CACNA2D3: variants seen among roughly 807,000 people sequenced by gnomAD.
CACNA2D3 encodes calcium voltage-gated channel auxiliary subunit alpha2delta 3.
A neutral mutation model predicts 160.6 loss-of-function variants in CACNA2D3; 60 were observed. The observed-to-expected ratio is 0.37, with a 90% confidence interval of 0.30 to 0.46. CACNA2D3 has a LOEUF of 0.46. CACNA2D3 is among the 20% of genes least tolerant of loss of function. CACNA2D3 has a pLI of 1.00. For synonymous variants in CACNA2D3, 558 were observed against 492.9 expected (o/e 1.13, Z -1.75); for missense variants, 1,205 against 1,365.0 (o/e 0.88, Z 1.85).
rs527620167 is a variant in CACNA2D3, at chr3:54,717,904, A to T, written c.1168-34695A>T. Among the ~76,000 whole-genome samples, 3 of 151,962 alleles carry T rather than the reference A, an allele frequency of 2.0e-5. No individual in the cohort carries two copies. In the South Asian group the frequency reaches 6.2e-4, roughly 32 times the overall value. ...GTGTGTGTGCGTGTGTGTGTTCTGC[A>T]TCTGGGTGTTTTAGTATCTAAGTAT... On this transcript the variant is annotated intron_variant, in intron 11 of 37. Transcript: ENST00000474759.
At chr3:54,504,973 A>C (rs922828012) in intron 5 of CACNA2D3, among the ~76,000 whole-genome samples, 2 of 152,340 alleles carry the variant, frequency 1.3e-5, no homozygotes, top group Admixed American at 6.5e-5. Flanking sequence ...AATAACGTGA[A>C]TACAAATTGC....
chr3:54,131,189 C>G (rs953247138), intron 2 of CACNA2D3, among the ~76,000 whole-genome samples: 5 of 152,208 alleles, frequency 3.3e-5, no homozygotes, highest in African/African-American at 1.2e-4. Context: ...TGAGCAAGTG[C>G]ATGAATGGGT....
At chr3:54,921,985 C>G (rs1042258851) in intron 27 of CACNA2D3, among the ~76,000 whole-genome samples, 7 of 151,270 alleles carry the variant, frequency 4.6e-5, no homozygotes, top group African/African-American at 1.7e-4. Flanking sequence ...TATAATCAGA[C>G]TGTCTCCCAT....
chr3:54,701,764 C>G (rs923455030), intron 11 of CACNA2D3, among the ~76,000 whole-genome samples: 1 of 152,092 alleles, frequency 6.6e-6, no homozygotes, highest in South Asian at 2.1e-4. Flanking sequence ...TTTCATGGAA[C>G]CAAAAATGAG....
intron 12 of CACNA2D3, among the ~76,000 whole-genome samples, chr3:54,762,243 C>T (rs748021980): frequency 6.6e-6 from 1 of 152,210 alleles, no homozygotes; most frequent in African/African-American, 2.4e-5. Context: ...TCTACCAACT[C>T]CTTAACTCCA....
At chr3:54,182,535 T>C (rs1700802492) in intron 2 of CACNA2D3, among the ~76,000 whole-genome samples, 1 of 152,230 alleles carries the variant, frequency 6.6e-6, no homozygotes, top group Non-Finnish European at 1.5e-5. Context: ...TGATTCCCAT[T>C]CCTTTGAAAA....
intron 2 of CACNA2D3, among the ~76,000 whole-genome samples, chr3:54,126,171 C>G (rs1293000488): frequency 6.6e-6 from 1 of 152,138 alleles, no homozygotes; most frequent in Non-Finnish European, 1.5e-5. Flanking sequence ...TGTTGTGAAT[C>G]AATATAGTGT....
chr3:54,457,521 G>T (rs1700420592), intron 4 of CACNA2D3, among the ~76,000 whole-genome samples: 1 of 152,078 alleles, frequency 6.6e-6, no homozygotes, highest in Non-Finnish European at 1.5e-5. Flanking sequence ...TGAAAAGAAT[G>T]TGTCTTCTGC....
At position 54,739,052 on chromosome 3, in the gene CACNA2D3, G is replaced by A. The variant is rs567749282; in HGVS notation, c.1168-13547G>A. 2.6e-5 allele frequency among the ~76,000 whole-genome samples: 4 copies of A among 152,224 alleles called. 1 individual carries two copies. The South Asian group carries it at 8.3e-4, about 32-fold the overall frequency. The stretch of plus-strand genomic sequence containing the variant: ...CCCAGCTTCTTGGGAGGTTGAGATG[G>A]GAGGATTGCTTTGGGCTGCAGTGAG... On this transcript the variant is annotated intron_variant, in intron 11 of 37. Transcript: ENST00000474759.
intron 2 of CACNA2D3, among the ~76,000 whole-genome samples, chr3:54,280,283 A>G (rs1301443623): frequency 2.0e-5 from 3 of 152,118 alleles, no homozygotes; most frequent in Non-Finnish European, 2.9e-5. Context: ...GGGTTTCACC[A>G]TGTTAGCGAG....
chr3:54,375,191 C>G (rs1698990855), intron 3 of CACNA2D3, among the ~76,000 whole-genome samples: 1 of 152,124 alleles, frequency 6.6e-6, no homozygotes, highest in African/African-American at 2.4e-5. Context: ...ATGTAGGATT[C>G]CTTGCTTAGC....
intron 11 of CACNA2D3, among the ~76,000 whole-genome samples, chr3:54,747,464 G>T (rs1701773676): frequency 6.6e-6 from 1 of 152,118 alleles, no homozygotes; most frequent in Admixed American, 6.5e-5. Context: ...ATAGGATAAT[G>T]GAATGGACAG....
At chr3:54,178,670 C>A (rs755134629) in intron 2 of CACNA2D3, among the ~76,000 whole-genome samples, 2 of 152,236 alleles carry the variant, frequency 1.3e-5, no homozygotes, top group Non-Finnish European at 2.9e-5. Context: ...TTTAACAGAA[C>A]AGTTGGTCAG....
At chr3:54,822,790 C>CTTTCTTTCCTTTCTTTCTTT (rs1491160047) in intron 14 of CACNA2D3, among the ~76,000 whole-genome samples, 12 of 71,928 alleles carry the variant, frequency 1.7e-4, no homozygotes, top group South Asian at 5.4e-4. Flanking sequence ...TTCTTTCTTT[C>CTTTCTTTCCTTTCTTTCTTT]CTTTCTTTCT....
chr3:54,664,354 G>T (rs1361961930), intron 11 of CACNA2D3, among the ~76,000 whole-genome samples: 1 of 152,146 alleles, frequency 6.6e-6, no homozygotes, highest in Non-Finnish European at 1.5e-5. Context: ...TTGCATTTCT[G>T]AACTCAGAAA....
intron 4 of CACNA2D3, among the ~76,000 whole-genome samples, chr3:54,433,279 A>G (rs924513618): frequency 5.3e-5 from 8 of 152,010 alleles, no homozygotes; most frequent in African/African-American, 1.4e-4. Flanking sequence ...TGGAGACAGC[A>G]TCTGTTGCCT....
intron 2 of CACNA2D3, among the ~76,000 whole-genome samples, chr3:54,160,063 TTTGTAATA>T (rs1294963575): frequency 6.6e-6 from 1 of 152,234 alleles, no homozygotes; most frequent in Non-Finnish European, 1.5e-5. Flanking sequence ...TGATGATGAT[TTTGTAATA>T]TTGTTTTCTA....
intron 2 of CACNA2D3, among the ~76,000 whole-genome samples, chr3:54,248,931 G>A (rs1702131881): frequency 6.6e-6 from 1 of 152,236 alleles, no homozygotes; most frequent in African/African-American, 2.4e-5. Context: ...AATGAGCACT[G>A]TAATTATCAT....
intron 27 of CACNA2D3, among the ~76,000 whole-genome samples, chr3:54,952,294 C>T (rs973065039): frequency 6.6e-6 from 1 of 152,190 alleles, no homozygotes; most frequent in Non-Finnish European, 1.5e-5. Flanking sequence ...ACTAAGCCCC[C>T]CAGGGCTCTG....
Sources: allele counts gnomAD v4.1 joint callset (sites outside exome capture counted in the v4.1 genomes callset), GRCh38; gene constraint gnomAD v4.1.1; transcripts MANE v1.5; gene names NCBI Gene and HGNC (gene_info 2026-07-23, HGNC 2026-07-21).